BOD1: variants seen among roughly 807,000 people sequenced by gnomAD.
The protein encoded by BOD1 is biorientation of chromosomes in cell division protein 1.
A neutral mutation model predicts 15.7 loss-of-function variants in BOD1; 11 were observed. The ratio of observed to expected loss-of-function variants is 0.70; its 90% CI spans 0.44 to 1.16. The LOEUF is 1.16. BOD1 is among the 50% of genes most tolerant of loss of function. The pLI, the probability that BOD1 is intolerant of heterozygous loss-of-function variation, is 0.00. For synonymous variants in BOD1, 105 were observed against 103.5 expected, an observed-to-expected ratio of 1.01 and a Z score of -0.09; for missense variants, 182 against 244.5, an observed-to-expected ratio of 0.74 and a Z score of 1.70.
chr5:173,609,468 G>C (rs766612499), intron 2 of BOD1, 34 bp from the exon 3 acceptor site: 1 of 1,272,292 alleles, frequency 7.9e-7, no homozygotes, highest in African/African-American at 2.4e-5. Context: ...CTGTTATTTA[G>C]TTCCTTCGGG....
At chr5:173,615,006 T>C (rs1219927431) in intron 1 of BOD1, among the ~76,000 whole-genome samples, 1 of 152,264 alleles carries the variant, frequency 6.6e-6, no homozygotes, top group Non-Finnish European at 1.5e-5. Context: ...GTAGTCGCTT[T>C]TGTTTTAAAA....
intron 3 of BOD1, 109 bp downstream of exon 3, chr5:173,609,129 G>T: frequency 1.6e-6 from 2 of 1,225,242 alleles, no homozygotes; most frequent in Non-Finnish European, 1.1e-6. Context: ...TCCATCTGCA[G>T]TAAATACTTC....
intron 1 of BOD1, among the ~76,000 whole-genome samples, chr5:173,615,977 A>G (rs1242969705): frequency 6.6e-6 from 1 of 152,218 alleles, no homozygotes; most frequent in Non-Finnish European, 1.5e-5. Context: ...CCAAGTTCGG[A>G]GAAGGGACTG....
intron 2 of BOD1, chr5:173,609,715 A>C: frequency 2.8e-6 from 1 of 360,766 alleles, no homozygotes; most frequent in Non-Finnish European, 5.1e-6. Flanking sequence ...GTTGCTCCAA[A>C]ACAACAAACA....
chr5:173,610,530 C>T (rs1047846820), intron 2 of BOD1, among the ~76,000 whole-genome samples: 1 of 152,194 alleles, frequency 6.6e-6, no homozygotes, highest in African/African-American at 2.4e-5. Context: ...CTGAAGGGCA[C>T]ATTTTCAGGT....
In BOD1 at chr5:173,616,218, C is replaced by A; in HGVS notation, c.219G>T (p.Leu73=). Residue 73 remains leucine (L), a synonymous_variant, in exon 1 of 4, where the codon CTG becomes CTT. Transcript: ENST00000311086. ...GLFDSFRRDC[L]ADVDTKPAYQ... ...CAGCTACCTTGGTGTCCACGTCGGC[C>A]AGGCAGTCCCGGCGGAAGCTGTCAA... 1 of 1,578,820 alleles carries A rather than the reference C, an allele frequency of 6.3e-7. No individual in the cohort carries two copies. The highest frequency in any genetic ancestry group is 2.3e-5 in the East Asian group (1 of 42,840).
intron 2 of BOD1, among the ~76,000 whole-genome samples, chr5:173,611,869 A>T (rs1269054436): frequency 6.6e-6 from 1 of 152,248 alleles, no homozygotes; most frequent in African/African-American, 2.4e-5. Flanking sequence ...CAACTTTCCA[A>T]ATATTTCAGA....
chr5:173,608,326 T>C (rs781058973), intron 3 of BOD1, 34 bp from the exon 4 acceptor site: 1 of 1,262,138 alleles, frequency 7.9e-7, no homozygotes, highest in Non-Finnish European at 1.1e-6. Flanking sequence ...CAAAATGTTA[T>C]TTATTGATAA....
chr5:173,613,211 T>A lies in BOD1; in HGVS notation c.282A>T (p.Ser94=), dbSNP rs1561726059. The A allele has an allele frequency of 7.0e-7, 1 of 1,435,430 alleles. No individual in the cohort carries two copies. Among genetic ancestry groups the A allele is most frequent in the Non-Finnish European group, 9.4e-7 (1 of 1,063,190 alleles). 88.9% of individuals were successfully genotyped at this position (1,435,430 alleles called of 1,614,324 possible). ...NLRQKVDNFV[S]THLDKQEWNP... Reference sequence around the variant, plus strand: ...TCCATTCCTGCTTGTCCAGATGTGTTGACACAAAATTATCCACTTTCTGCC... The same window carrying A: ...TCCATTCCTGCTTGTCCAGATGTGTAGACACAAAATTATCCACTTTCTGCC... The change falls in exon 2 of 4, where the codon TCA becomes TCT. Residue 94 remains serine (S), a synonymous_variant. Coordinates refer to ENST00000311086, the MANE Select transcript of BOD1 (RefSeq NM_138369.3).
At chr5:173,610,528 C>T (rs1755321286) in intron 2 of BOD1, among the ~76,000 whole-genome samples, 2 of 152,148 alleles carry the variant, frequency 1.3e-5, no homozygotes, top group South Asian at 4.1e-4. Flanking sequence ...CACTGAAGGG[C>T]ACATTTTCAG....
chr5:173,613,435 T>A (rs1252935525), intron 1 of BOD1, among the ~76,000 whole-genome samples, 180 bp from the exon 2 acceptor site: 1 of 152,216 alleles, frequency 6.6e-6, no homozygotes, highest in African/African-American at 2.4e-5. Flanking sequence ...AGTGCCCACC[T>A]GATGGTGGGT....
At position 173,607,146 on chromosome 5, in the gene BOD1, T is replaced by C. The variant is rs258857; in HGVS notation, c.*1148A>G. Among the ~76,000 whole-genome samples the C allele has an allele frequency of 0.37, 55,849 of 152,096 alleles. 11,191 individuals are homozygous for C. Among genetic ancestry groups the C allele is most frequent in the East Asian group, 0.71 (3,669 of 5,168 alleles). On this transcript the variant is annotated 3_prime_UTR_variant, in exon 4 of 4. Transcript: ENST00000311086. ...TGGATATATTATCCAAGGCTTATTA[T>C]ACAGAGTATGTTCAGAGGCCTGGCA...
chr5:173,612,387 TTG>T (rs1450052012), intron 2 of BOD1, among the ~76,000 whole-genome samples: 1 of 152,242 alleles, frequency 6.6e-6, no homozygotes, highest in African/African-American at 2.4e-5. Context: ...TTGCACTTAT[TTG>T]TGTGTGTAGC....
chr5:173,611,804 A>C (rs1160789849), intron 2 of BOD1, among the ~76,000 whole-genome samples: 2 of 152,248 alleles, frequency 1.3e-5, no homozygotes, highest in African/African-American at 2.4e-5. Flanking sequence ...CTAGAATGAC[A>C]TCCATGCTCA....
intron 1 of BOD1, chr5:173,614,852 T>G (rs1369278471): frequency 6.6e-6 from 1 of 152,288 alleles, no homozygotes; most frequent in Non-Finnish European, 1.5e-5. Flanking sequence ...CAGGTAGTAC[T>G]GAACCCTATA....
At chr5:173,608,345 A>G in intron 3 of BOD1, 53 bp from the exon 4 acceptor site, 1 of 1,358,234 alleles carries the variant, frequency 7.4e-7, no homozygotes. Flanking sequence ...AACAGACTAT[A>G]TTCACTTTTA....
chr5:173,616,617 A>G lies in BOD1; in HGVS notation c.-181T>C. The G allele has an allele frequency of 2.2e-6, 3 of 1,342,964 alleles. No homozygotes were observed. The highest frequency in any genetic ancestry group is 1.6e-5 in the African/African-American group (1 of 64,440). 83.2% of individuals were successfully genotyped at this position (1,342,964 alleles called of 1,614,324 possible). A position where few individuals can be genotyped will look rare whatever the true frequency, so the allele number is the denominator to read the frequency against. On this transcript the variant is annotated 5_prime_UTR_variant, in exon 1 of 4. Transcript: ENST00000311086. ...GCGGCGGCGGCGAAGGCCCCCTCTGATACAGCAGAGGTTGTGGTGGACGCG... is the reference window on the plus strand; with the variant it reads ...GCGGCGGCGGCGAAGGCCCCCTCTGGTACAGCAGAGGTTGTGGTGGACGCG...
chr5:173,616,462 G>A lies in BOD1; in HGVS notation c.-26C>T, dbSNP rs1277709477. On this transcript the variant is annotated 5_prime_UTR_variant, in exon 1 of 4. Transcript: ENST00000311086. ...GGCTGCGCCCCGGGCCCACAAGGGA[G>A]AACGACTATAGCTTCTTCTCCAGGA... 1.3e-6 allele frequency: 2 copies of A among 1,559,824 alleles called. No homozygotes were observed. Among genetic ancestry groups the A allele is most frequent in the African/African-American group, 1.4e-5 (1 of 70,682 alleles).
chr5:173,612,736 G>T (rs1755387852), intron 2 of BOD1, among the ~76,000 whole-genome samples: 1 of 152,180 alleles, frequency 6.6e-6, no homozygotes, highest in African/African-American at 2.4e-5. Context: ...TGGACTCAAA[G>T]AATTTATTTA....
Sources: allele counts gnomAD v4.1 joint callset (sites outside exome capture counted in the v4.1 genomes callset), GRCh38; gene constraint gnomAD v4.1.1; transcripts MANE v1.5; gene names NCBI Gene and HGNC (gene_info 2026-07-23, HGNC 2026-07-21).